Variants in NRXN3 observed in about 807,000 individuals in gnomAD.
NRXN3 encodes neurexin 3, also known as neurexin III.
In NRXN3, 32 loss-of-function variants were observed where a neutral mutation model predicts 137.6. That is an observed-to-expected ratio of 0.23 (90% CI 0.18 to 0.31). NRXN3 has a LOEUF of 0.31. Ranked by LOEUF, NRXN3 falls within the 10% of genes least tolerant of loss-of-function variation. NRXN3 has a pLI of 1.00. For missense variants in NRXN3, 1,574 were observed against 2,062.5 expected (o/e 0.76, Z 4.59); for synonymous variants, 798 against 784.5 (o/e 1.02, Z -0.29).
At chr14:78,792,560 A>G (rs886629425) in intron 8 of NRXN3, among the ~76,000 whole-genome samples, 1 of 152,210 alleles carries the variant, frequency 6.6e-6, no homozygotes, top group African/African-American at 2.4e-5. Flanking sequence ...TTCTTAATAT[A>G]AAGAACTGAC....
chr14:78,757,284 C>T (rs1191570878), intron 8 of NRXN3, among the ~76,000 whole-genome samples: 1 of 151,948 alleles, frequency 6.6e-6, no homozygotes, highest in Non-Finnish European at 1.5e-5. Flanking sequence ...GCAATGTGCA[C>T]CTGTAGTCCC....
At chr14:78,384,797 C>A (rs1406067422) in intron 4 of NRXN3, among the ~76,000 whole-genome samples, 6 of 152,152 alleles carry the variant, frequency 3.9e-5, no homozygotes, top group African/African-American at 2.4e-5. Flanking sequence ...TCGCTCAGGT[C>A]TCTTTCAAAT....
chr14:79,300,026 C>T (rs1428730979), intron 15 of NRXN3, among the ~76,000 whole-genome samples: 1 of 151,966 alleles, frequency 6.6e-6, no homozygotes, highest in Non-Finnish European at 1.5e-5. Flanking sequence ...CAGTTTAAGT[C>T]ACCCTAGTAA....
intron 8 of NRXN3, among the ~76,000 whole-genome samples, chr14:78,723,338 A>T (rs772334512): frequency 2.0e-4 from 31 of 152,228 alleles, no homozygotes; most frequent in Non-Finnish European, 3.2e-4. Flanking sequence ...ATATCTGATA[A>T]ATAAAAAAGG....
At chr14:78,299,430 G>A (rs924684131) in intron 4 of NRXN3, among the ~76,000 whole-genome samples, 5 of 152,108 alleles carry the variant, frequency 3.3e-5, no homozygotes, top group African/African-American at 1.2e-4. Context: ...AGTTACACCA[G>A]CAAAAGCAGA....
At chr14:78,345,486 G>A (rs2082621894) in intron 4 of NRXN3, among the ~76,000 whole-genome samples, 1 of 152,114 alleles carries the variant, frequency 6.6e-6, no homozygotes, top group South Asian at 2.1e-4. Flanking sequence ...GTGTTAAGTG[G>A]TAGCAGCTGC....
At chr14:79,772,367 C>T (rs1248400542) in intron 19 of NRXN3, among the ~76,000 whole-genome samples, 6 of 152,110 alleles carry the variant, frequency 3.9e-5, no homozygotes, top group Non-Finnish European at 5.9e-5. Context: ...CACTACCTGA[C>T]TTCAAACTAT....
intron 4 of NRXN3, among the ~76,000 whole-genome samples, chr14:78,305,837 C>A (rs1161539766): frequency 1.3e-5 from 2 of 152,050 alleles, no homozygotes; most frequent in Non-Finnish European, 2.9e-5. Flanking sequence ...AATATAAAAT[C>A]GCTTTGTTTT....
intron 19 of NRXN3, among the ~76,000 whole-genome samples, chr14:79,704,699 C>T (rs978037596): frequency 2.2e-4 from 34 of 152,146 alleles, no homozygotes; most frequent in Non-Finnish European, 3.4e-4. Flanking sequence ...AGCTGCCAGC[C>T]AAGAAATATC....
intron 19 of NRXN3, among the ~76,000 whole-genome samples, chr14:79,755,238 AATGTAAATGCT>A (rs1208919527): frequency 1.3e-5 from 2 of 152,170 alleles, no homozygotes; most frequent in Admixed American, 6.6e-5. Context: ...TACCTAAAAC[AATGTAAATGCT>A]ATGTAAATGC....
At chr14:78,182,256 C>T (rs765367877) in intron 1 of NRXN3, among the ~76,000 whole-genome samples, 3 of 151,776 alleles carry the variant, frequency 2.0e-5, no homozygotes, top group South Asian at 4.2e-4. Flanking sequence ...TGCCTTGTTA[C>T]GGAAGAGGGA....
At chr14:78,566,507 G>T (rs937720617) in intron 4 of NRXN3, among the ~76,000 whole-genome samples, 1 of 152,040 alleles carries the variant, frequency 6.6e-6, no homozygotes, top group Admixed American at 6.6e-5. Context: ...ATAACCCAAA[G>T]CCTTCCAAGC....
At chr14:78,486,356 T>C (rs984652567) in intron 4 of NRXN3, among the ~76,000 whole-genome samples, 1 of 152,216 alleles carries the variant, frequency 6.6e-6, no homozygotes, top group South Asian at 2.1e-4. Flanking sequence ...AGATGCCTCC[T>C]GTTCCTTTGG....
intron 15 of NRXN3, among the ~76,000 whole-genome samples, chr14:79,381,418 T>A (rs1162029083): frequency 6.6e-6 from 1 of 152,134 alleles, no homozygotes; most frequent in African/African-American, 2.4e-5. Context: ...TCTTGAATTC[T>A]CCATTATCAT....
intron 10 of NRXN3, among the ~76,000 whole-genome samples, chr14:78,856,585 A>C (rs2099057776): frequency 6.6e-6 from 1 of 152,146 alleles, no homozygotes; most frequent in Non-Finnish European, 1.5e-5. Flanking sequence ...CAGAGGATGA[A>C]GTTCAGTACA....
intron 15 of NRXN3, among the ~76,000 whole-genome samples, chr14:79,153,597 C>T (rs373099015): frequency 6.0e-4 from 91 of 151,944 alleles, no homozygotes; most frequent in African/African-American, 1.9e-3. Flanking sequence ...CTGAGAAGAC[C>T]GTAAACCCAG....
intron 15 of NRXN3, among the ~76,000 whole-genome samples, chr14:79,142,838 G>A (rs1055941816): frequency 6.6e-6 from 1 of 152,160 alleles, no homozygotes; most frequent in Non-Finnish European, 1.5e-5. Context: ...AAATATTGTG[G>A]ATTTGCTCAG....
chr14:78,188,858 C>T (rs1178094324), intron 1 of NRXN3, among the ~76,000 whole-genome samples: 1 of 152,168 alleles, frequency 6.6e-6, no homozygotes, highest in Non-Finnish European at 1.5e-5. Context: ...AAATTATCTA[C>T]TTTAGTGCTC....
chr14:78,393,670 C>T (rs747381819), intron 4 of NRXN3, among the ~76,000 whole-genome samples: 28 of 151,944 alleles, frequency 1.8e-4, no homozygotes, highest in Non-Finnish European at 3.2e-4. Context: ...TGGATTTTGA[C>T]GGAAATTGTG....
Sources: allele counts gnomAD v4.1 joint callset (sites outside exome capture counted in the v4.1 genomes callset), GRCh38; gene constraint gnomAD v4.1.1; transcripts MANE v1.5; gene names NCBI Gene and HGNC (gene_info 2026-07-23, HGNC 2026-07-21).